Variants in ADD2 observed in about 807,000 individuals in gnomAD.
ADD2 encodes the protein adducin 2.
A neutral mutation model predicts 83.0 loss-of-function variants in ADD2; 23 were observed. The observed-to-expected ratio is 0.28, with a 90% confidence interval of 0.20 to 0.39. The LOEUF is 0.39. Ranked by LOEUF, ADD2 falls within the 10% of genes least tolerant of loss-of-function variation. The pLI, the probability that ADD2 is intolerant of heterozygous loss-of-function variation, is 1.00. For missense variants in ADD2, 758 were observed against 944.9 expected (o/e 0.80, Z 2.59); for synonymous variants, 375 against 375.4 (o/e 1.00, Z 0.01).
At chr2:70,740,110 T>C (rs1162160031) in intron 1 of ADD2, among the ~76,000 whole-genome samples, 1 of 152,172 alleles carries the variant, frequency 6.6e-6, no homozygotes, top group Non-Finnish European at 1.5e-5. Context: ...GCTTATGATA[T>C]TTATATCAGA....
At position 70,678,678 on chromosome 2, in the gene ADD2, C is replaced by T. The variant is rs73937002; in HGVS notation, c.1383+26G>A. ...CTAATGCAGCCTGCCCCTCTCTGCC[C>T]GGGTCTGTCCTGGGCTCCCCCTTAC... is the stretch of plus-strand genomic sequence containing the variant. On this transcript the variant is annotated intron_variant, in intron 11 of 15. Transcript: ENST00000264436. 1,280 of 1,517,680 alleles carry T rather than the reference C, an allele frequency of 8.4e-4. 5 individuals carry two copies. In the African/African-American group the frequency reaches 0.015, roughly 18 times the overall value. The allele number at this position is 1,517,680 out of a possible 1,614,324, so 94.0% of individuals were successfully genotyped here.
rs963314413 is a variant in ADD2, at chr2:70,729,033, C to T, written c.-153-15849G>A. Among the ~76,000 whole-genome samples, 44 of 152,264 alleles carry T rather than the reference C, an allele frequency of 2.9e-4. 1 individual carries two copies. The highest frequency in any genetic ancestry group is 1.1e-3 in the African/African-American group (44 of 41,480). ...AGAGTTACAGGGACTTCGAAGGCAGCCTGGCCTGGGCCTTCACTGGCCTAA... is the reference window on the plus strand; with the variant it reads ...AGAGTTACAGGGACTTCGAAGGCAGTCTGGCCTGGGCCTTCACTGGCCTAA... On this transcript the variant is annotated intron_variant, in intron 1 of 15. Coordinates refer to ENST00000264436, the MANE Select transcript of ADD2 (RefSeq NM_001617.4).
chr2:70,704,264 C>CCCCCCCCCCCCCCCCCCCCA lies in ADD2; in HGVS notation c.322+56_322+57insTGGGGGGGGGGGGGGGGGGG. On this transcript the variant is annotated intron_variant, in intron 4 of 15. Transcript: ENST00000264436. ...GCTTCTTGCTGCTCCTCCCTCTCTT[C>CCCCCCCCCCCCCCCCCCCCA]CCCACCCCACCCTCCCCTCCACCTC... 5 of 425,204 alleles carry CCCCCCCCCCCCCCCCCCCCA rather than the reference C, an allele frequency of 1.2e-5. 1 individual carries two copies. The highest frequency in any genetic ancestry group is 7.1e-5 in the East Asian group (1 of 14,178). The allele number at this position is 425,204 out of a possible 1,614,324, so 26.3% of individuals were successfully genotyped here.
chr2:70,723,888 C>T (rs2128), intron 1 of ADD2, among the ~76,000 whole-genome samples: 78,125 of 152,040 alleles, frequency 0.51, 21,258 homozygotes, highest in African/African-American at 0.68. Flanking sequence ...AAACCATGAA[C>T]GGTATAAGGA....
In ADD2 at chr2:70,660,535, C is replaced by A. The variant is rs1274779178; in HGVS notation, c.*2890G>T. ...ATGCAATTCTGATCATGACTCTATC[C>A]TGATTTAAAGGCTCCAGTGGCTCCA... is the stretch of plus-strand genomic sequence containing the variant. On this transcript the variant is annotated 3_prime_UTR_variant, in exon 16 of 16. Transcript: ENST00000264436. The A allele has an allele frequency of 6.6e-6, 1 of 152,392 alleles. No homozygotes were observed. Among genetic ancestry groups the A allele is most frequent in the Non-Finnish European group, 1.5e-5 (1 of 68,136 alleles). The allele number at this position is 152,392 out of a possible 1,614,324, so 9.4% of individuals were successfully genotyped here.
In ADD2 at chr2:70,678,064, C is replaced by T. The variant is rs565926773; in HGVS notation, c.1384-187G>A. ...GGAGCAGAGAATGGCAACAGATGAC[C>T]CAGTTACCAATGAAGGCCCTCAGGC... is the stretch of plus-strand genomic sequence containing the variant. On this transcript the variant is annotated intron_variant, in intron 11 of 15. Transcript: ENST00000264436. Among the ~76,000 whole-genome samples, 88 of 152,278 alleles carry T rather than the reference C, an allele frequency of 5.8e-4. 1 individual carries two copies. The highest frequency in any genetic ancestry group is 7.8e-4 in the Non-Finnish European group (53 of 68,022).
At chr2:70,718,533 C>T (rs1245636228) in intron 1 of ADD2, among the ~76,000 whole-genome samples, 2 of 152,196 alleles carry the variant, frequency 1.3e-5, no homozygotes, top group Admixed American at 6.5e-5. Context: ...GTGTTTAATG[C>T]TTGTTGGGAA....
intron 10 of ADD2, among the ~76,000 whole-genome samples, chr2:70,681,118 G>A (rs1214620534): frequency 6.6e-6 from 1 of 152,112 alleles, no homozygotes; most frequent in Non-Finnish European, 1.5e-5. Context: ...CACACGATTT[G>A]CAACTTCCCC....
intron 1 of ADD2, among the ~76,000 whole-genome samples, chr2:70,745,936 T>G (rs1674168857): frequency 6.6e-6 from 1 of 152,226 alleles, no homozygotes; most frequent in Non-Finnish European, 1.5e-5. Flanking sequence ...AGGACTGTTT[T>G]TATCTAAATT....
chr2:70,731,612 A>G (rs1553379293), intron 1 of ADD2, among the ~76,000 whole-genome samples: 1 of 152,148 alleles, frequency 6.6e-6, no homozygotes, highest in Non-Finnish European at 1.5e-5. Context: ...GCATGTACAC[A>G]CCAAAGTGCA....
intron 6 of ADD2, 79 bp from the exon 7 acceptor site, chr2:70,692,631 C>A (rs56376838): frequency 0.027 from 38,353 of 1,429,082 alleles, 627 homozygotes; most frequent in Admixed American, 0.071. Context: ...GTGGGCCCAG[C>A]ATGTGCCGCC....
intron 1 of ADD2, among the ~76,000 whole-genome samples, chr2:70,747,604 A>G (rs1301504787): frequency 6.6e-6 from 1 of 152,010 alleles, no homozygotes; most frequent in African/African-American, 2.4e-5. Flanking sequence ...ATGCCTTCCT[A>G]TCATGCTATG....
chr2:70,730,258 G>T (rs1452132931), intron 1 of ADD2, among the ~76,000 whole-genome samples: 1 of 152,214 alleles, frequency 6.6e-6, no homozygotes, highest in African/African-American at 2.4e-5. Context: ...GAAAGTGACT[G>T]CTCTGGGGTT....
chr2:70,705,722 C>T (rs1338176384), intron 3 of ADD2, among the ~76,000 whole-genome samples: 3 of 152,160 alleles, frequency 2.0e-5, no homozygotes, highest in African/African-American at 7.2e-5. Flanking sequence ...TCCCACAGCC[C>T]GGCTGAGCCC....
chr2:70,704,593 G>T (rs1441169369), intron 3 of ADD2, 134 bp from the exon 4 acceptor site: 1 of 986,700 alleles, frequency 1.0e-6, no homozygotes, highest in African/African-American at 1.6e-5. Context: ...CCAGCTACAG[G>T]GGACACTGAG....
At chr2:70,747,693 T>C (rs1042840718) in intron 1 of ADD2, among the ~76,000 whole-genome samples, 1 of 152,252 alleles carries the variant, frequency 6.6e-6, no homozygotes, top group African/African-American at 2.4e-5. Context: ...TCCTGTCTTC[T>C]GCTACATTAC....
Position 70,659,780 on chromosome 2 carries a change from C to A in ADD2, c.*3645G>T, listed in dbSNP as rs559397953. ...CCACTGTTGGGTGCAGCCAACACTA[C>A]GCAAGGAGCCGTTGGAGCCAAGCCT... On this transcript the variant is annotated 3_prime_UTR_variant, in exon 16 of 16. Coordinates refer to ENST00000264436, the MANE Select transcript of ADD2 (RefSeq NM_001617.4). The A allele has an allele frequency of 6.6e-6, 1 of 152,164 alleles. No individual in the cohort carries two copies. Among genetic ancestry groups the A allele is most frequent in the Non-Finnish European group, 1.5e-5 (1 of 68,044 alleles). 9.4% of individuals were successfully genotyped at this position (152,164 alleles called of 1,614,324 possible).
chr2:70,692,408 C>T lies in ADD2; in HGVS notation c.700G>A (p.Ala234Thr). 3 of 1,567,068 alleles carry T rather than the reference C, an allele frequency of 1.9e-6. No individual in the cohort carries two copies. The highest frequency in any genetic ancestry group is 2.6e-6 in the Non-Finnish European group (3 of 1,155,600). The change falls in exon 7 of 16, where the codon GCA becomes ACA. Residue 234 changes from alanine to threonine, a missense_variant. Around this residue, in one of 5 missense-constraint regions of ADD2, gnomAD observed 394 missense variants for 509.3 expected, o/e 0.77. Transcript: ENST00000264436. ...CIIHLHTPATAAVSAMKWGLL... is the reference protein window; with the variant it reads ...CIIHLHTPATTAVSAMKWGLL... ...CTGAGAAGGAGTCCACTCACCGCTG[C>T]TGTGGCCGGTGTGTGCAGGTGGATG...
chr2:70,663,502 G>A lies in ADD2; in HGVS notation c.2104C>T (p.Pro702Ser). Reference protein sequence around the residue: ...MSPEGSPSKSPSKKKKKFRTP... With the variant: ...MSPEGSPSKSSSKKKKKFRTP... ...CGGAATTTCTTTTTCTTCTTTGAGG[G>A]AGACTTGGAAGGTGAGCCCTCTGGG... Residue 702 changes from proline (P) to serine (S), a missense_variant, in exon 16 of 16, where the codon CCC becomes TCC. Transcript: ENST00000264436. 1 of 1,614,090 alleles carries A rather than the reference G, an allele frequency of 6.2e-7. No individual in the cohort carries two copies. Among genetic ancestry groups the A allele is most frequent in the Non-Finnish European group, 8.5e-7 (1 of 1,180,000 alleles).
Sources: gnomAD v4.1 joint callset for allele counts (sites outside exome capture counted in the v4.1 genomes callset) on GRCh38, gnomAD v4.1.1 for gene constraint, gnomAD v4.1.1 regional missense constraint, MANE v1.5 for transcripts, NCBI Gene and HGNC (gene_info 2026-07-23, HGNC 2026-07-21) for gene names.